The following SUGCT variants were observed in gnomAD, a reference collection of about 807,000 sequenced individuals.
SUGCT encodes succinyl-CoA:glutarate CoA-transferase.
SUGCT carries 41 observed loss-of-function variants against 55.0 expected under a neutral mutation model. The observed-to-expected ratio is 0.74, with a 90% CI of 0.58 to 0.97. The LOEUF (loss-of-function observed/expected upper bound fraction) is 0.97. SUGCT is among the 50% of genes least tolerant of loss of function. The probability of loss-of-function intolerance (pLI) is 0.00; values close to 1 mark genes in which losing one functional copy is unlikely to be tolerated. For synonymous variants in SUGCT, 187 were observed against 200.4 expected (o/e 0.93, Z 0.56); for missense variants, 568 against 547.8 (o/e 1.04, Z -0.37).
At chr7:40,384,745 A>G (rs1583567616) in intron 9 of SUGCT, among the ~76,000 whole-genome samples, 1 of 57,088 alleles carries the variant, frequency 1.8e-5, no homozygotes, top group East Asian at 2.7e-4. Flanking sequence ...GGGTTTCAGC[A>G]TGTTGGCCAG....
chr7:40,933,412 TG>T, the SUGCT span, among the ~76,000 whole-genome samples: 7 of 152,158 alleles, frequency 4.6e-5, no homozygotes, highest in African/African-American at 1.4e-4. Context: ...TTATGTGTCT[TG>T]GGGTTGCTCT....
chr7:40,200,292 A>G (rs1417783730), intron 6 of SUGCT, among the ~76,000 whole-genome samples: 3 of 152,228 alleles, frequency 2.0e-5, no homozygotes, highest in Admixed American at 6.5e-5. Context: ...GGTCAGAGAC[A>G]TTCTATAAAC....
chr7:40,306,233 C>A (rs1794847606), intron 8 of SUGCT, among the ~76,000 whole-genome samples: 1 of 152,170 alleles, frequency 6.6e-6, no homozygotes, highest in South Asian at 2.1e-4. Context: ...ATTCTCAATA[C>A]TTTTCCAAAC....
intron 9 of SUGCT, among the ~76,000 whole-genome samples, chr7:40,374,207 A>C (rs1784433773): frequency 6.6e-6 from 1 of 152,130 alleles, no homozygotes; most frequent in Non-Finnish European, 1.5e-5. Flanking sequence ...AGCAATAGCT[A>C]TTTCTGGAAT....
At chr7:40,253,934 T>G (rs1014102800) in intron 7 of SUGCT, among the ~76,000 whole-genome samples, 8 of 152,272 alleles carry the variant, frequency 5.3e-5, no homozygotes, top group African/African-American at 9.6e-5. Context: ...GTTGGTTGAC[T>G]GAATTGACTG....
At chr7:40,773,850 C>G (rs552237595) in intron 13 of SUGCT, among the ~76,000 whole-genome samples, 1 of 152,286 alleles carries the variant, frequency 6.6e-6, no homozygotes, top group South Asian at 2.1e-4. Flanking sequence ...GAGCTCAGAA[C>G]TAGTATTAAC....
At chr7:40,168,031 T>C (rs34749316) in intron 1 of SUGCT, among the ~76,000 whole-genome samples, 2,140 of 152,346 alleles carry the variant, frequency 0.014, 32 homozygotes, top group South Asian at 0.025. Flanking sequence ...TCTCAGGCGA[T>C]ATATGATTTG....
chr7:40,988,146 T>C, the SUGCT span, among the ~76,000 whole-genome samples: 1 of 151,648 alleles, frequency 6.6e-6, no homozygotes, highest in Non-Finnish European at 1.5e-5. Context: ...TCGTCTTTTG[T>C]AATTCTTCAG....
intron 1 of SUGCT, among the ~76,000 whole-genome samples, chr7:40,138,281 A>G (rs1206926549): frequency 6.6e-6 from 1 of 152,222 alleles, no homozygotes; most frequent in African/African-American, 2.4e-5. Flanking sequence ...TTCACTTAAG[A>G]TAATGGCCCC....
intron 12 of SUGCT, among the ~76,000 whole-genome samples, chr7:40,516,524 G>A (rs1183890216): frequency 6.6e-6 from 1 of 151,968 alleles, no homozygotes; most frequent in East Asian, 1.9e-4. Context: ...TTTGTATAGG[G>A]TATGAGGTAG....
At chr7:40,774,149 T>A (rs1789332039) in intron 13 of SUGCT, among the ~76,000 whole-genome samples, 1 of 152,196 alleles carries the variant, frequency 6.6e-6, no homozygotes, top group African/African-American at 2.4e-5. Flanking sequence ...AAGCTTATGA[T>A]TATTTCCAAG....
chr7:40,978,266 C>A, the SUGCT span, among the ~76,000 whole-genome samples: 4 of 152,138 alleles, frequency 2.6e-5, no homozygotes, highest in Non-Finnish European at 5.9e-5. Context: ...TTGCCTCTGG[C>A]CAAAGTGTCA....
intron 8 of SUGCT, among the ~76,000 whole-genome samples, chr7:40,291,014 G>T (rs1009542226): frequency 4.6e-5 from 7 of 152,144 alleles, no homozygotes; most frequent in Non-Finnish European, 1.0e-4. Flanking sequence ...AACAAGTGCT[G>T]GAGAGGATAT....
intron 13 of SUGCT, among the ~76,000 whole-genome samples, chr7:40,838,225 G>C (rs1259955816): frequency 6.6e-6 from 1 of 152,072 alleles, no homozygotes; most frequent in East Asian, 1.9e-4. Flanking sequence ...AATTATTTTA[G>C]CTATTACAAA....
rs542154679 is a variant in SUGCT, at chr7:40,325,757, G to A, written c.816+8902G>A. On this transcript the variant is annotated intron_variant, in intron 9 of 13. Coordinates refer to ENST00000335693, the MANE Select transcript of SUGCT (RefSeq NM_001193313.2). The stretch of plus-strand genomic sequence containing the variant: ...GGAGGTGGTGGTTGCAGTGAGCTGC[G>A]ATTGCACCATTGCACTCCAGCCTGG... Among the ~76,000 whole-genome samples, 175 of 152,172 alleles carry A rather than the reference G, an allele frequency of 1.2e-3. 1 individual carries two copies. The highest frequency in any genetic ancestry group is 4.0e-3 in the African/African-American group (168 of 41,532).
chr7:40,480,033 T>C (rs889950617), intron 11 of SUGCT, among the ~76,000 whole-genome samples: 5 of 152,164 alleles, frequency 3.3e-5, no homozygotes, highest in African/African-American at 1.2e-4. Flanking sequence ...TATAATCTCA[T>C]TTGTCTATTT....
At chr7:41,007,973 A>C in the SUGCT span, among the ~76,000 whole-genome samples, 1 of 152,198 alleles carries the variant, frequency 6.6e-6, no homozygotes, top group Admixed American at 6.5e-5. Context: ...TTTGGTAATT[A>C]AAACTTAGTG....
intron 12 of SUGCT, among the ~76,000 whole-genome samples, chr7:40,743,580 G>A (rs191808322): frequency 1.3e-5 from 2 of 152,304 alleles, no homozygotes; most frequent in East Asian, 3.9e-4. Flanking sequence ...ATGACCTTGA[G>A]TTTTCTGTGA....
At chr7:41,020,656 C>A in the SUGCT span, among the ~76,000 whole-genome samples, 24 of 152,244 alleles carry the variant, frequency 1.6e-4, no homozygotes, top group African/African-American at 5.3e-4. Context: ...TATATTGGTG[C>A]TCTCCCACAC....
Sources: gnomAD v4.1 joint callset for allele counts (sites outside exome capture counted in the v4.1 genomes callset) on GRCh38, gnomAD v4.1.1 for gene constraint, MANE v1.5 for transcripts, NCBI Gene and HGNC (gene_info 2026-07-23, HGNC 2026-07-21) for gene names.